The following TAFA1 variants were observed in gnomAD, a reference collection of about 807,000 sequenced individuals.
TAFA1 encodes chemokine-like protein TAFA-1.
Under a neutral mutation model 18.5 loss-of-function variants are expected in TAFA1, and 4 were observed. The ratio of observed to expected loss-of-function variants is 0.22; its 90% CI spans 0.11 to 0.49. The LOEUF is 0.49. Among genes scored for constraint, TAFA1 ranks in the 20% least tolerant of loss-of-function variants. The probability of loss-of-function intolerance (pLI) is 0.98; values close to 1 mark genes in which losing one functional copy is unlikely to be tolerated. For missense variants in TAFA1, 147 were observed against 169.0 expected (o/e 0.87, Z 0.72); for synonymous variants, 56 against 55.2 (o/e 1.01, Z -0.06).
Position 68,119,308 on chromosome 3 carries a change from C to T in TAFA1, c.118+112564C>T, listed in dbSNP as rs569755600. Reference sequence around the variant, plus strand: ...AACTCTTTATCAGATACATGATTTACAAATATTTTCTCTCATTCCATACAT... The same window carrying T: ...AACTCTTTATCAGATACATGATTTATAAATATTTTCTCTCATTCCATACAT... On this transcript the variant is annotated intron_variant, in intron 2 of 4. Transcript: ENST00000478136. Among the ~76,000 whole-genome samples, 6 of 152,156 alleles carry T rather than the reference C, an allele frequency of 3.9e-5. No homozygotes were observed. The East Asian group carries it at 9.7e-4, about 25-fold the overall frequency.
At chr3:68,314,163 AAAATCTT>A in intron 2 of TAFA1, among the ~76,000 whole-genome samples, 1 of 152,146 alleles carries the variant, frequency 6.6e-6, no homozygotes, top group African/African-American at 2.4e-5. Flanking sequence ...TAGTCTATGA[AAAATCTT>A]TAGGAGGAAA....
chr3:68,420,312 T>A (rs2070929890), intron 3 of TAFA1, among the ~76,000 whole-genome samples: 1 of 152,184 alleles, frequency 6.6e-6, no homozygotes, highest in Non-Finnish European at 1.5e-5. Flanking sequence ...CCAGGTGGTG[T>A]GCCATGGCAC....
chr3:68,254,172 T>TCTAC (rs1553659963), intron 2 of TAFA1, among the ~76,000 whole-genome samples: 7,036 of 148,924 alleles, frequency 0.047, 183 homozygotes, highest in Non-Finnish European at 0.055. Flanking sequence ...TATCTATCTA[T>TCTAC]CTATCTATCT....
At chr3:68,434,519 T>C (rs1031744670) in intron 3 of TAFA1, among the ~76,000 whole-genome samples, 3 of 152,100 alleles carry the variant, frequency 2.0e-5, no homozygotes, top group Admixed American at 6.6e-5. Flanking sequence ...GTTCATGTGC[T>C]GTGAATTTTT....
chr3:68,502,375 C>G (rs1221198414), intron 3 of TAFA1, among the ~76,000 whole-genome samples: 2 of 152,046 alleles, frequency 1.3e-5, no homozygotes. Flanking sequence ...TCACCAAACA[C>G]AAAATAGTTA....
At chr3:68,201,616 A>G (rs1025772119) in intron 2 of TAFA1, among the ~76,000 whole-genome samples, 3 of 151,788 alleles carry the variant, frequency 2.0e-5, no homozygotes, top group Non-Finnish European at 4.4e-5. Context: ...TGACTTCTTT[A>G]TCATTGTGCA....
At chr3:68,126,410 A>G (rs796888584) in intron 2 of TAFA1, among the ~76,000 whole-genome samples, 57 of 152,308 alleles carry the variant, frequency 3.7e-4, no homozygotes, top group African/African-American at 1.3e-3. Context: ...GGATGTCAAA[A>G]TCTTCCTTGG....
intron 2 of TAFA1, among the ~76,000 whole-genome samples, chr3:68,319,926 C>T (rs2068671666): frequency 1.3e-5 from 2 of 152,032 alleles, no homozygotes; most frequent in Admixed American, 6.6e-5. Context: ...CACTAGAATG[C>T]TTGATAGCTT....
intron 2 of TAFA1, among the ~76,000 whole-genome samples, chr3:68,205,772 A>G (rs1195841740): frequency 6.6e-6 from 1 of 151,896 alleles, no homozygotes; most frequent in African/African-American, 2.4e-5. Flanking sequence ...GAAAAAGAAC[A>G]ATTAGTCACA....
At chr3:68,404,746 G>A (rs1295300794) in intron 2 of TAFA1, among the ~76,000 whole-genome samples, 2 of 151,614 alleles carry the variant, frequency 1.3e-5, no homozygotes, top group Admixed American at 1.3e-4. Flanking sequence ...GCAGTGAGCT[G>A]AGATTGTGCC....
At chr3:68,505,072 A>C (rs947187244) in intron 3 of TAFA1, among the ~76,000 whole-genome samples, 5 of 152,174 alleles carry the variant, frequency 3.3e-5, no homozygotes, top group African/African-American at 1.2e-4. Context: ...TGAAATGTGC[A>C]AGAGCTACCT....
At chr3:68,309,363 T>C (rs1035962386) in intron 2 of TAFA1, among the ~76,000 whole-genome samples, 1 of 152,196 alleles carries the variant, frequency 6.6e-6, no homozygotes, top group Non-Finnish European at 1.5e-5. Context: ...GCTATAATAA[T>C]TATTGTCACT....
intron 3 of TAFA1, among the ~76,000 whole-genome samples, chr3:68,520,921 T>C (rs1191954826): frequency 6.6e-6 from 1 of 152,242 alleles, no homozygotes; most frequent in Non-Finnish European, 1.5e-5. Flanking sequence ...ATCATTTAGT[T>C]ATTCCACAAA....
At chr3:68,123,725 C>A (rs1394038078) in intron 2 of TAFA1, among the ~76,000 whole-genome samples, 1 of 151,936 alleles carries the variant, frequency 6.6e-6, no homozygotes, top group Non-Finnish European at 1.5e-5. Context: ...TCTAAATCCA[C>A]GTGATTGTTC....
At chr3:68,391,073 G>A (rs908780743) in intron 2 of TAFA1, among the ~76,000 whole-genome samples, 1 of 152,228 alleles carries the variant, frequency 6.6e-6, no homozygotes, top group South Asian at 2.1e-4. Flanking sequence ...TGAGCTAAAG[G>A]AACATGTTGT....
At chr3:68,406,867 C>A (rs1446507809) in intron 2 of TAFA1, among the ~76,000 whole-genome samples, 1 of 152,124 alleles carries the variant, frequency 6.6e-6, no homozygotes, top group Non-Finnish European at 1.5e-5. Flanking sequence ...TTCTTGTAAC[C>A]TCATTGGTGC....
chr3:68,491,138 C>G (rs1462691608), intron 3 of TAFA1, among the ~76,000 whole-genome samples: 1 of 152,146 alleles, frequency 6.6e-6, no homozygotes, highest in Admixed American at 6.5e-5. Flanking sequence ...TGCAGCTGGC[C>G]TCCTCCACAA....
chr3:68,332,886 A>G (rs1436343845), intron 2 of TAFA1, among the ~76,000 whole-genome samples: 1 of 152,226 alleles, frequency 6.6e-6, no homozygotes, highest in South Asian at 2.1e-4. Flanking sequence ...CACAGCCAAT[A>G]ACCATATGAA....
chr3:68,146,402 G>T (rs541372262), intron 2 of TAFA1, among the ~76,000 whole-genome samples: 4 of 152,218 alleles, frequency 2.6e-5, no homozygotes, highest in Admixed American at 6.5e-5. Flanking sequence ...ATAAAGCTTA[G>T]ATCCCACCAA....
Sources: gnomAD v4.1 joint callset for allele counts (sites outside exome capture counted in the v4.1 genomes callset) on GRCh38, gnomAD v4.1.1 for gene constraint, MANE v1.5 for transcripts, NCBI Gene and HGNC (gene_info 2026-07-23, HGNC 2026-07-21) for gene names.